The following PLCXD3 variants were observed in gnomAD, a reference collection of about 807,000 sequenced individuals.
PLCXD3 encodes PI-PLC X domain-containing protein 3.
Under a neutral mutation model 25.5 loss-of-function variants are expected in PLCXD3, and 19 were observed. The ratio of observed to expected loss-of-function variants is 0.75; its 90% CI spans 0.52 to 1.09. PLCXD3 has a LOEUF of 1.09. PLCXD3 is among the 50% of genes least tolerant of loss of function. The probability of loss-of-function intolerance (pLI) is 0.00; values close to 1 mark genes in which losing one functional copy is unlikely to be tolerated. For missense variants in PLCXD3, 411 were observed against 388.1 expected, an observed-to-expected ratio of 1.06 and a Z score of -0.50; for synonymous variants, 174 against 137.6, an observed-to-expected ratio of 1.26 and a Z score of -1.85.
At chr5:41,414,002 G>T (rs1055423196) in intron 1 of PLCXD3, among the ~76,000 whole-genome samples, 6 of 152,104 alleles carry the variant, frequency 3.9e-5, no homozygotes, top group African/African-American at 1.4e-4. Flanking sequence ...GATATTTACT[G>T]ATACAAAAAT....
At chr5:41,364,129 T>C (rs963017149) in intron 2 of PLCXD3, among the ~76,000 whole-genome samples, 1 of 152,140 alleles carries the variant, frequency 6.6e-6, no homozygotes, top group African/African-American at 2.4e-5. Context: ...GACATTTTTT[T>C]CAGTCATAAC....
At chr5:41,436,502 T>TA (rs1344110527) in intron 1 of PLCXD3, among the ~76,000 whole-genome samples, 1 of 152,216 alleles carries the variant, frequency 6.6e-6, no homozygotes, top group African/African-American at 2.4e-5. Context: ...CAGTAAATGT[T>TA]AGCTGTTGCT....
At chr5:41,494,650 A>C (rs186743612) in intron 1 of PLCXD3, among the ~76,000 whole-genome samples, 3 of 152,308 alleles carry the variant, frequency 2.0e-5, no homozygotes. Flanking sequence ...TTTCTATAGG[A>C]AATTCAAATG....
chr5:41,331,690 C>T (rs1223612678), intron 2 of PLCXD3, among the ~76,000 whole-genome samples: 1 of 152,172 alleles, frequency 6.6e-6, no homozygotes, highest in Admixed American at 6.5e-5. Context: ...TGACTTCAAA[C>T]TATACTACAA....
At chr5:41,457,543 A>G (rs1481726287) in intron 1 of PLCXD3, among the ~76,000 whole-genome samples, 2 of 151,926 alleles carry the variant, frequency 1.3e-5, no homozygotes, top group Non-Finnish European at 2.9e-5. Context: ...GCTGAGGGAC[A>G]TGTACCTGTG....
chr5:41,434,984 T>C lies in PLCXD3; in HGVS notation c.104-52450A>G, dbSNP rs549928328. ...AGCACACGCTCATAAAAATTTTCAG[T>C]AGTATAAAAGCAACATGAAGAAAAT... is the stretch of plus-strand genomic sequence containing the variant. On this transcript the variant is annotated intron_variant, in intron 1 of 2. Transcript: ENST00000377801. Among the ~76,000 whole-genome samples, 69 of 152,306 alleles carry C rather than the reference T, an allele frequency of 4.5e-4. 1 individual carries two copies. Among genetic ancestry groups the C allele is most frequent in the African/African-American group, 1.4e-3 (60 of 41,560 alleles).
At chr5:41,409,891 G>A (rs1746467107) in intron 1 of PLCXD3, among the ~76,000 whole-genome samples, 1 of 152,124 alleles carries the variant, frequency 6.6e-6, no homozygotes, top group African/African-American at 2.4e-5. Context: ...TATTCAAGAA[G>A]TATTAACTTT....
intron 1 of PLCXD3, among the ~76,000 whole-genome samples, chr5:41,490,145 G>T (rs1236247579): frequency 6.6e-6 from 1 of 152,188 alleles, no homozygotes; most frequent in Non-Finnish European, 1.5e-5. Context: ...TTAGCATGAA[G>T]TGTTGTTGAA....
intron 2 of PLCXD3, among the ~76,000 whole-genome samples, chr5:41,363,180 T>A (rs1744839879): frequency 6.6e-6 from 1 of 152,160 alleles, no homozygotes; most frequent in Non-Finnish European, 1.5e-5. Flanking sequence ...GGTAAATAAC[T>A]GATTTTGACT....
chr5:41,411,284 A>C lies in PLCXD3; in HGVS notation c.104-28750T>G, dbSNP rs143460568. On this transcript the variant is annotated intron_variant, in intron 1 of 2. Transcript: ENST00000377801. Reference sequence around the variant, plus strand: ...CTGAAATAACACAACATTACCCTTAATCATGTTTGTGCTACAGAAATAACA... The same window carrying C: ...CTGAAATAACACAACATTACCCTTACTCATGTTTGTGCTACAGAAATAACA... Among the ~76,000 whole-genome samples the C allele has an allele frequency of 2.1e-4, 32 of 152,290 alleles. 2 individuals are homozygous for C. The East Asian group carries it at 6.0e-3, about 28-fold the overall frequency.
chr5:41,430,392 T>C (rs1195511856), intron 1 of PLCXD3, among the ~76,000 whole-genome samples: 1 of 152,202 alleles, frequency 6.6e-6, no homozygotes, highest in African/African-American at 2.4e-5. Flanking sequence ...CATAAAGAAT[T>C]GACCTGTCTG....
intron 1 of PLCXD3, among the ~76,000 whole-genome samples, chr5:41,437,651 C>T (rs1747286006): frequency 6.6e-6 from 1 of 152,110 alleles, no homozygotes; most frequent in Non-Finnish European, 1.5e-5. Context: ...CCCATTGGTG[C>T]AAGAATAAAG....
chr5:41,436,504 G>A (rs535682814), intron 1 of PLCXD3, among the ~76,000 whole-genome samples: 27 of 152,244 alleles, frequency 1.8e-4, no homozygotes, highest in Admixed American at 2.0e-4. Context: ...GTAAATGTTA[G>A]CTGTTGCTAT....
intron 1 of PLCXD3, among the ~76,000 whole-genome samples, chr5:41,501,131 T>C (rs969676058): frequency 6.6e-6 from 1 of 152,032 alleles, no homozygotes; most frequent in Non-Finnish European, 1.5e-5. Context: ...GCAGCCTCTA[T>C]GGAGAACAGA....
rs1324738628 is a variant in PLCXD3 at position 41,307,489 on chromosome 5, T to C, written c.*6128A>G. The C allele has an allele frequency of 6.6e-6, 1 of 152,324 alleles. No individual in the cohort carries two copies. The highest frequency in any genetic ancestry group is 1.5e-5 in the Non-Finnish European group (1 of 68,022). 9.4% of individuals were successfully genotyped at this position (152,324 alleles called of 1,614,324 possible). A position where few individuals can be genotyped will look rare whatever the true frequency, so the allele number is the denominator to read the frequency against. On this transcript the variant is annotated 3_prime_UTR_variant, in exon 3 of 3. Transcript: ENST00000377801. Reference sequence around the variant, plus strand: ...CTCACTGTTCTTATTTTAGGGCTTCTTGGGTTTTCAATTCCAAAAAAAAAT... The same window carrying C: ...CTCACTGTTCTTATTTTAGGGCTTCCTGGGTTTTCAATTCCAAAAAAAAAT...
intron 2 of PLCXD3, among the ~76,000 whole-genome samples, chr5:41,379,214 C>T (rs1408559927): frequency 6.6e-6 from 1 of 152,016 alleles, no homozygotes; most frequent in East Asian, 1.9e-4. Flanking sequence ...CTCTAGTGAC[C>T]CATCAGAGAT....
At chr5:41,374,047 C>T (rs751224887) in intron 2 of PLCXD3, among the ~76,000 whole-genome samples, 15 of 152,020 alleles carry the variant, frequency 9.9e-5, no homozygotes, top group Admixed American at 3.3e-4. Context: ...GGAGCTGTAG[C>T]TTAGATTTAA....
chr5:41,388,229 C>T, intron 1 of PLCXD3, among the ~76,000 whole-genome samples: 1 of 151,990 alleles, frequency 6.6e-6, no homozygotes, highest in Non-Finnish European at 1.5e-5. Flanking sequence ...AAATAGCATT[C>T]CTTCATTCTT....
intron 1 of PLCXD3, among the ~76,000 whole-genome samples, chr5:41,464,393 C>A (rs1185179357): frequency 6.6e-6 from 1 of 151,946 alleles, no homozygotes; most frequent in Non-Finnish European, 1.5e-5. Flanking sequence ...TTGCCTTGTG[C>A]ACTGAGAACG....
Sources: allele counts gnomAD v4.1 joint callset (sites outside exome capture counted in the v4.1 genomes callset), GRCh38; gene constraint gnomAD v4.1.1; transcripts MANE v1.5; gene names NCBI Gene and HGNC (gene_info 2026-07-23, HGNC 2026-07-21).